The following ZNRF1 variants were observed in gnomAD, a reference collection of about 807,000 sequenced individuals.
The protein encoded by ZNRF1 is zinc and ring finger 1, also known as E3 ubiquitin-protein ligase ZNRF1.
Under a neutral mutation model 18.4 loss-of-function variants are expected in ZNRF1, and 3 were observed. The observed-to-expected ratio is 0.16, with a 90% confidence interval of 0.07 to 0.42. ZNRF1 has a LOEUF of 0.42. Ranked by LOEUF, ZNRF1 falls within the 10% of genes least tolerant of loss-of-function variation. The pLI is 0.99. For missense variants in ZNRF1, 310 were observed against 329.8 expected (o/e 0.94, Z 0.47); for synonymous variants, 157 against 144.2 (o/e 1.09, Z -0.64).
chr16:75,029,832 C>A, intron 1 of ZNRF1, among the ~76,000 whole-genome samples: 1 of 151,764 alleles, frequency 6.6e-6, no homozygotes, highest in East Asian at 1.9e-4. Context: ...GTCAGGAGTT[C>A]GAGACCAGCC....
rs932385326 is a variant in ZNRF1, at chr16:75,087,149, A to G, written c.425-6423A>G. 5.6e-4 allele frequency among the ~76,000 whole-genome samples: 85 copies of G among 152,222 alleles called. 1 individual carries two copies. The highest frequency in any genetic ancestry group is 2.1e-4 in the South Asian group (1 of 4,834). Reference sequence around the variant, plus strand: ...TGGGAGAGTTCTTGTAGCTTGAACCAGTTGCCCCCATCCTTCCTCGGCTGC... The same window carrying G: ...TGGGAGAGTTCTTGTAGCTTGAACCGGTTGCCCCCATCCTTCCTCGGCTGC... On this transcript the variant is annotated intron_variant, in intron 1 of 4. Transcript: ENST00000335325.
intron 1 of ZNRF1, among the ~76,000 whole-genome samples, chr16:75,018,304 T>C (rs2035097826): frequency 6.6e-6 from 1 of 152,222 alleles, no homozygotes; most frequent in African/African-American, 2.4e-5. Flanking sequence ...GTTATGCTCT[T>C]GTAGGTTTCA....
intron 1 of ZNRF1, among the ~76,000 whole-genome samples, chr16:75,073,666 C>T (rs541901063): frequency 3.9e-5 from 6 of 151,964 alleles, no homozygotes; most frequent in Non-Finnish European, 7.4e-5. Context: ...TGGATCTGTC[C>T]GACGTGCACA....
chr16:75,007,674 C>G (rs1160138230), intron 1 of ZNRF1, among the ~76,000 whole-genome samples: 1 of 152,104 alleles, frequency 6.6e-6, no homozygotes, highest in African/African-American at 2.4e-5. Context: ...GATGACTGGA[C>G]CCCACTCACA....
chr16:75,062,239 G>T (rs1280813864), intron 1 of ZNRF1, among the ~76,000 whole-genome samples: 2 of 152,200 alleles, frequency 1.3e-5, no homozygotes, highest in African/African-American at 4.8e-5. Context: ...AGAAGGGAAT[G>T]CCTGGTCGTT....
At chr16:75,026,483 A>C (rs1186525881) in intron 1 of ZNRF1, among the ~76,000 whole-genome samples, 1 of 152,156 alleles carries the variant, frequency 6.6e-6, no homozygotes, top group Non-Finnish European at 1.5e-5. Context: ...CAGATTAGGA[A>C]AAGTACTTGG....
intron 1 of ZNRF1, among the ~76,000 whole-genome samples, chr16:75,076,442 C>G (rs1036455851): frequency 6.6e-6 from 1 of 152,026 alleles, no homozygotes; most frequent in East Asian, 2.0e-4. Context: ...TCTGTGGCCT[C>G]CTCTTTTCTT....
At chr16:75,077,253 C>G (rs2035950603) in intron 1 of ZNRF1, among the ~76,000 whole-genome samples, 2 of 152,200 alleles carry the variant, frequency 1.3e-5, no homozygotes, top group Non-Finnish European at 2.9e-5. Flanking sequence ...TTAGCTGGGG[C>G]TGGGCGCGGT....
At chr16:75,006,638 G>A (rs996383560) in intron 1 of ZNRF1, among the ~76,000 whole-genome samples, 2 of 152,130 alleles carry the variant, frequency 1.3e-5, no homozygotes, top group Non-Finnish European at 2.9e-5. Flanking sequence ...GTTTCACCAT[G>A]TTGGCCAGGC....
chr16:75,052,682 A>G (rs2035620572), intron 1 of ZNRF1, among the ~76,000 whole-genome samples: 2 of 152,150 alleles, frequency 1.3e-5, no homozygotes, highest in Non-Finnish European at 2.9e-5. Context: ...GGTGTGTCAG[A>G]CAGTAAAATT....
chr16:75,105,151 C>T (rs765961239), intron 3 of ZNRF1: 5 of 394,524 alleles, frequency 1.3e-5, no homozygotes, highest in East Asian at 5.2e-5. Flanking sequence ...TGGGGAGACC[C>T]GTAGAGCCTC....
chr16:75,019,258 G>A (rs1051853088), intron 1 of ZNRF1, among the ~76,000 whole-genome samples: 1 of 151,632 alleles, frequency 6.6e-6, no homozygotes, highest in Admixed American at 6.6e-5. Context: ...CAGGCTGGTC[G>A]TGAACTCCCA....
At chr16:75,048,412 C>T (rs960829552) in intron 1 of ZNRF1, among the ~76,000 whole-genome samples, 2 of 152,166 alleles carry the variant, frequency 1.3e-5, no homozygotes, top group African/African-American at 4.8e-5. Flanking sequence ...GGGAGGGACA[C>T]TATTCAGCCC....
chr16:75,089,573 A>G (rs1204902129), intron 1 of ZNRF1, among the ~76,000 whole-genome samples: 1 of 152,136 alleles, frequency 6.6e-6, no homozygotes, highest in African/African-American at 2.4e-5. Flanking sequence ...TTAAAACCCT[A>G]TGGCCAACTC....
At chr16:75,106,163 A>G in intron 3 of ZNRF1, 1 of 312,138 alleles carries the variant, frequency 3.2e-6, no homozygotes, top group Admixed American at 4.0e-5. Context: ...TCACCTTCTC[A>G]CTGGTGGCTG....
At chr16:75,083,097 C>A (rs558027302) in intron 1 of ZNRF1, among the ~76,000 whole-genome samples, 67 of 152,290 alleles carry the variant, frequency 4.4e-4, no homozygotes, top group Admixed American at 3.6e-3. Flanking sequence ...ATGCCTCTTA[C>A]AATTGATGGC....
intron 1 of ZNRF1, among the ~76,000 whole-genome samples, chr16:75,019,477 G>A (rs2035116037): frequency 6.6e-6 from 1 of 152,112 alleles, no homozygotes; most frequent in African/African-American, 2.4e-5. Flanking sequence ...CAGTCTGTAT[G>A]ATACTGATTG....
In ZNRF1 at chr16:75,110,212, T is replaced by A. The variant is rs887969470; in HGVS notation, c.*2512T>A. ...GTGTCCTCTGAATTTGGACCCAGGT[T>A]GCCTGCTCTTGTTGTGGGGGTGGGA... On this transcript the variant is annotated 3_prime_UTR_variant, in exon 5 of 5. Transcript: ENST00000335325. 2.6e-5 allele frequency: 4 copies of A among 152,564 alleles called. No individual in the cohort carries two copies. Among genetic ancestry groups the A allele is most frequent in the African/African-American group, 7.2e-5 (3 of 41,590 alleles). 9.5% of individuals were successfully genotyped at this position (152,564 alleles called of 1,614,324 possible).
At chr16:75,079,670 T>C (rs1332523615) in intron 1 of ZNRF1, among the ~76,000 whole-genome samples, 1 of 152,166 alleles carries the variant, frequency 6.6e-6, no homozygotes, top group Non-Finnish European at 1.5e-5. Context: ...TGTTTACCTT[T>C]TGGAACAACT....
Sources: allele counts gnomAD v4.1 joint callset (sites outside exome capture counted in the v4.1 genomes callset), GRCh38; gene constraint gnomAD v4.1.1; transcripts MANE v1.5; gene names NCBI Gene and HGNC (gene_info 2026-07-23, HGNC 2026-07-21).